The following AHDC1 variants were observed in gnomAD, a reference collection of about 807,000 sequenced individuals.
AHDC1 encodes the protein transcription factor Gibbin.
Under a neutral mutation model 87.9 loss-of-function variants are expected in AHDC1, and 7 were observed. The ratio of observed to expected loss-of-function variants is 0.08; its 90% CI spans 0.05 to 0.15. The LOEUF (loss-of-function observed/expected upper bound fraction) is 0.15. Ranked by LOEUF, AHDC1 falls within the 10% of genes least tolerant of loss-of-function variation. The probability of loss-of-function intolerance (pLI) is 1.00; values close to 1 mark genes in which losing one functional copy is unlikely to be tolerated. For synonymous variants in AHDC1, 1,051 were observed against 1,006.8 expected, an observed-to-expected ratio of 1.04 and a Z score of -0.83; for missense variants, 1,841 against 2,253.2, an observed-to-expected ratio of 0.82 and a Z score of 3.70.
chr1:27,542,834 C>T (rs2018990992), intron 8 of AHDC1, among the ~76,000 whole-genome samples: 1 of 152,180 alleles, frequency 6.6e-6, no homozygotes. Flanking sequence ...AATGAGGGCT[C>T]AGAACAAGGC....
chr1:27,589,772 G>A (rs760156764), intron 3 of AHDC1, among the ~76,000 whole-genome samples: 5 of 152,156 alleles, frequency 3.3e-5, no homozygotes, highest in Non-Finnish European at 5.9e-5. Context: ...TCTGTGACAC[G>A]TGGAATAAAA....
At position 27,549,545 on chromosome 1, in the gene AHDC1, G is replaced by C. The variant is rs1329061518; in HGVS notation, c.2571C>G (p.Leu857=). Residue 857 remains leucine (L), a synonymous_variant, in exon 8 of 9, where the codon CTC becomes CTG. Coordinates refer to ENST00000673934, the MANE Select transcript of AHDC1 (RefSeq NM_001371928.1). ...DDSSDLLDFA[L]SASRPESRKA... is the part of the protein sequence containing the mutation. ...TCCGGGACTCTGGGCGAGAGGCTGA[G>C]AGGGCAAAGTCCAAGAGATCGGAGG... The C allele has an allele frequency of 4.3e-6, 7 of 1,613,176 alleles. No homozygotes were observed. The highest frequency in any genetic ancestry group is 5.9e-6 in the Non-Finnish European group (7 of 1,180,010).
In AHDC1 at chr1:27,550,959, C is replaced by T. The variant is rs539332275; in HGVS notation, c.1157G>A (p.Arg386His). ...ACACAGGATCTTTGGCCTATCAGTG[C>T]GCCGCAAGGCGTACTTGGGGTGACC... ...PEGHPKYALR[R>H]TDRPKILCRR... The change falls in exon 8 of 9, where the codon CGC becomes CAC. Residue 386 changes from arginine (R) to histidine (H), a missense_variant. By Grantham distance (29) the Arg-to-His change is conservative (BLOSUM62 0). Coordinates refer to ENST00000673934, the MANE Select transcript of AHDC1 (RefSeq NM_001371928.1). The T allele has an allele frequency of 6.9e-6, 11 of 1,596,630 alleles. No homozygotes were observed. Among genetic ancestry groups the T allele is most frequent in the Non-Finnish European group, 8.5e-6 (10 of 1,177,620 alleles).
chr1:27,540,629 G>A (rs185695702), intron 8 of AHDC1, among the ~76,000 whole-genome samples: 179 of 152,176 alleles, frequency 1.2e-3, no homozygotes, highest in African/African-American at 3.2e-3. Context: ...GTGAAAGATA[G>A]GAACTGACAG....
In AHDC1 at chr1:27,595,520, T is replaced by C. The variant is rs999759598; in HGVS notation, c.-629+7877A>G. Among the ~76,000 whole-genome samples the C allele has an allele frequency of 2.0e-5, 3 of 150,858 alleles. No individual in the cohort carries two copies. The highest frequency in any genetic ancestry group is 3.0e-5 in the Non-Finnish European group (2 of 67,780). On this transcript the variant is annotated intron_variant, in intron 3 of 8. Coordinates refer to ENST00000673934, the MANE Select transcript of AHDC1 (RefSeq NM_001371928.1). This position sits in a 1 kb window ranked among gnomAD's most constrained non-coding sequence, Gnocchi z 4.0. ...GGGATGTATTGGGGGGTCATAAAAA[T>C]GTGGGTTTTGGTTAAGTACTAGGGC...
Position 27,550,741 on chromosome 1 carries a change from G to T in AHDC1, c.1375C>A (p.Pro459Thr), listed in dbSNP as rs146038392. 7 of 1,586,586 alleles carry T rather than the reference G, an allele frequency of 4.4e-6. No homozygotes were observed. The change falls in exon 8 of 9, where the codon CCA becomes ACA. Residue 459 changes from proline to threonine, a missense_variant. Around this residue, in one of 13 missense-constraint regions of AHDC1, gnomAD observed 370 missense variants for 391.5 expected, o/e 0.95. Transcript: ENST00000673934. The part of the protein sequence containing the change: ...PELKPESSQT[P>T]VVSTRKGKCR... ...TTGCCTTTGCGGGTAGAGACCACTG[G>T]GGTCTGGGAAGATTCCGGCTTCAAC...
intron 8 of AHDC1, among the ~76,000 whole-genome samples, chr1:27,537,980 T>C (rs1393490527): frequency 6.6e-6 from 1 of 152,218 alleles, no homozygotes; most frequent in Non-Finnish European, 1.5e-5. Context: ...TTCATTTAAG[T>C]GAACAGCAAA....
intron 8 of AHDC1, among the ~76,000 whole-genome samples, chr1:27,538,920 C>A (rs925254389): frequency 2.0e-5 from 3 of 152,096 alleles, no homozygotes; most frequent in African/African-American, 7.2e-5. Context: ...ACCACAGAGG[C>A]CCAAAGCCTG....
At chr1:27,566,330 G>T (rs1038768027) in intron 3 of AHDC1, among the ~76,000 whole-genome samples, 4 of 150,692 alleles carry the variant, frequency 2.7e-5, no homozygotes, top group African/African-American at 9.8e-5. Flanking sequence ...GAGAGAGGGC[G>T]ACCATGCCAG....
intron 5 of AHDC1, among the ~76,000 whole-genome samples, chr1:27,557,149 T>G (rs1393362195): frequency 3.1e-5 from 4 of 130,956 alleles, no homozygotes; most frequent in Non-Finnish European, 4.7e-5. Flanking sequence ...CTGCCCTGGG[T>G]GCCAGGTGTG....
At chr1:27,553,238 T>C (rs1221174921) in intron 5 of AHDC1, 53 bp from the exon 6 acceptor site, 1 of 152,570 alleles carries the variant, frequency 6.6e-6, no homozygotes, top group Admixed American at 6.5e-5. Context: ...GCGCGCCAGG[T>C]ACTGGGCTGG....
At chr1:27,539,142 T>C (rs978544905) in intron 8 of AHDC1, among the ~76,000 whole-genome samples, 2 of 149,390 alleles carry the variant, frequency 1.3e-5, no homozygotes, top group Admixed American at 6.6e-5. Flanking sequence ...TCTTTTCTTT[T>C]TTTTTTTTTT....
intron 3 of AHDC1, among the ~76,000 whole-genome samples, chr1:27,587,614 A>G (rs2089096889): frequency 6.6e-6 from 1 of 152,160 alleles, no homozygotes; most frequent in Non-Finnish European, 1.5e-5. Flanking sequence ...TCTGTGTGAT[A>G]TGGTTATCAG....
intron 3 of AHDC1, among the ~76,000 whole-genome samples, chr1:27,586,122 G>A (rs955779570): frequency 2.6e-5 from 4 of 152,218 alleles, no homozygotes; most frequent in Admixed American, 6.5e-5. Context: ...CCCCAAGGGT[G>A]CCTAAGCGCC....
chr1:27,603,219 A>T (rs1419281030), intron 3 of AHDC1, among the ~76,000 whole-genome samples, 178 bp downstream of exon 3: 1 of 140,802 alleles, frequency 7.1e-6, no homozygotes. Flanking sequence ...CTTCGAGCCG[A>T]GCCCAGCCGA....
chr1:27,557,131 C>A (rs1383073157), intron 5 of AHDC1, among the ~76,000 whole-genome samples: 4 of 150,848 alleles, frequency 2.7e-5, no homozygotes, highest in Non-Finnish European at 4.4e-5. Context: ...CCGCCCCCTG[C>A]CAGCCCCCTG....
Position 27,560,579 on chromosome 1 carries a change from C to T in AHDC1, c.-628-1696G>A, listed in dbSNP as rs527813734. Reference sequence around the variant, plus strand: ...GGTCATGGTGTGGCAGTGTGACTGGCCACAGTGTCCCTGTGGGTCTCTTTC... The same window carrying T: ...GGTCATGGTGTGGCAGTGTGACTGGTCACAGTGTCCCTGTGGGTCTCTTTC... On this transcript the variant is annotated intron_variant, in intron 3 of 8. Transcript: ENST00000673934. The surrounding 1 kb of genome is among the most constrained non-coding windows in gnomAD (Gnocchi z 4.1). Among the ~76,000 whole-genome samples, 4 of 152,154 alleles carry T rather than the reference C, an allele frequency of 2.6e-5. No homozygotes were observed. The South Asian group carries it at 8.3e-4, about 32-fold the overall frequency.
At chr1:27,578,601 A>C (rs2088823086) in intron 3 of AHDC1, among the ~76,000 whole-genome samples, 2 of 152,050 alleles carry the variant, frequency 1.3e-5, no homozygotes. Context: ...AAAAAAAAAG[A>C]AAGATAAATT....
At chr1:27,569,089 A>G (rs1255594331) in intron 3 of AHDC1, among the ~76,000 whole-genome samples, 1 of 148,462 alleles carries the variant, frequency 6.7e-6, no homozygotes, top group African/African-American at 2.5e-5. Context: ...CCCACCCCAA[A>G]TCATCTGGAT....
Sources: gnomAD v4.1 joint callset for allele counts (sites outside exome capture counted in the v4.1 genomes callset) on GRCh38, gnomAD v4.1.1 for gene constraint, gnomAD v4.1.1 regional missense constraint, Gnocchi (gnomAD v3.1) non-coding constraint, MANE v1.5 for transcripts, NCBI Gene and HGNC (gene_info 2026-07-23, HGNC 2026-07-21) for gene names.